Variants in ADAMTS12 observed in about 807,000 individuals in gnomAD.
ADAMTS12 encodes A disintegrin and metalloproteinase with thrombospondin motifs 12.
ADAMTS12 carries 118 observed loss-of-function variants against 167.8 expected under a neutral mutation model. The ratio of observed to expected loss-of-function variants is 0.70; its 90% CI spans 0.61 to 0.82. The LOEUF is 0.82. Among genes scored for constraint, ADAMTS12 ranks in the 40% least tolerant of loss-of-function variants. ADAMTS12 has a pLI of 0.00. For missense variants in ADAMTS12, 1,916 were observed against 1,998.8 expected (o/e 0.96, Z 0.79); for synonymous variants, 704 against 716.9 (o/e 0.98, Z 0.29).
At chr5:33,648,016 T>C (rs1740740938) in intron 9 of ADAMTS12, among the ~76,000 whole-genome samples, 1 of 152,282 alleles carries the variant, frequency 6.6e-6, no homozygotes, top group Non-Finnish European at 1.5e-5. Context: ...TTTCTTCTTA[T>C]TCTGTACATA....
Position 33,648,532 on chromosome 5 carries a change from C to T in ADAMTS12, c.1479+290G>A, listed in dbSNP as rs541779700. Among the ~76,000 whole-genome samples, 38 of 152,268 alleles carry T rather than the reference C, an allele frequency of 2.5e-4. No homozygotes were observed. In the South Asian group the frequency reaches 7.7e-3, roughly 31 times the overall value. ...GCAATTTTAGGGATTAAGTTGGTTG[C>T]TATGGAGTCTGCAGGTGTGAATCAC... On this transcript the variant is annotated intron_variant, in intron 9 of 23. Coordinates refer to ENST00000504830, the MANE Select transcript of ADAMTS12 (RefSeq NM_030955.4).
chr5:33,763,712 A>T (rs1156269912), intron 2 of ADAMTS12, among the ~76,000 whole-genome samples: 1 of 152,240 alleles, frequency 6.6e-6, no homozygotes. Flanking sequence ...ACATGCAAAC[A>T]AATGTTGTAG....
intron 23 of ADAMTS12, among the ~76,000 whole-genome samples, chr5:33,527,631 G>T (rs1362279384): frequency 1.3e-5 from 2 of 152,132 alleles, no homozygotes; most frequent in Admixed American, 1.3e-4. Context: ...GCTGCCTAGT[G>T]GGTGGAGAAT....
chr5:33,662,094 C>T, intron 5 of ADAMTS12, 54 bp from the exon 6 acceptor site: 1 of 1,589,834 alleles, frequency 6.3e-7, no homozygotes. Context: ...TGGTCAGGGA[C>T]CATTGCATTA....
At chr5:33,745,845 A>C (rs543838879) in intron 3 of ADAMTS12, among the ~76,000 whole-genome samples, 1 of 152,252 alleles carries the variant, frequency 6.6e-6, no homozygotes, top group East Asian at 1.9e-4. Flanking sequence ...TATTAAGCAA[A>C]CAAAACTAAT....
chr5:33,713,244 AT>A (rs1244477279), intron 3 of ADAMTS12, among the ~76,000 whole-genome samples: 1 of 152,158 alleles, frequency 6.6e-6, no homozygotes, highest in African/African-American at 2.4e-5. Flanking sequence ...TTTTATCAAG[AT>A]TTTTTGTATG....
chr5:33,651,906 C>T lies in ADAMTS12; in HGVS notation c.1191-2209G>A, dbSNP rs1305355855. ...GTGAGAATATGAGGTATTTGATTTTCTAAGTTATTTCACTTAGGATAATGG... is the reference window on the plus strand; with the variant it reads ...GTGAGAATATGAGGTATTTGATTTTTTAAGTTATTTCACTTAGGATAATGG... On this transcript the variant is annotated intron_variant, in intron 7 of 23. Coordinates refer to ENST00000504830, the MANE Select transcript of ADAMTS12 (RefSeq NM_030955.4). Among the ~76,000 whole-genome samples the T allele has an allele frequency of 3.3e-5, 5 of 152,256 alleles. No homozygotes were observed. In the South Asian group the frequency reaches 1.0e-3, roughly 32 times the overall value.
intron 2 of ADAMTS12, among the ~76,000 whole-genome samples, chr5:33,835,589 A>G (rs1748475810): frequency 6.6e-6 from 1 of 152,176 alleles, no homozygotes; most frequent in South Asian, 2.1e-4. Flanking sequence ...TCCTCACATG[A>G]TGGAAGAACT....
At chr5:33,859,883 C>T (rs1197759431) in intron 2 of ADAMTS12, among the ~76,000 whole-genome samples, 2 of 152,148 alleles carry the variant, frequency 1.3e-5, no homozygotes, top group Admixed American at 6.5e-5. Flanking sequence ...CTGGAGTGGA[C>T]CTCCAGCAAA....
intron 23 of ADAMTS12, among the ~76,000 whole-genome samples, chr5:33,527,868 C>T (rs769366715): frequency 1.3e-4 from 20 of 152,120 alleles, no homozygotes; most frequent in Admixed American, 9.2e-4. Flanking sequence ...CCAAGGTCAA[C>T]CAAAGCCAAG....
In ADAMTS12 at chr5:33,758,522, G is replaced by A. The variant is rs144836788; in HGVS notation, c.490-6974C>T. Among the ~76,000 whole-genome samples the A allele has an allele frequency of 6.8e-4, 103 of 152,306 alleles. 1 individual carries two copies. The highest frequency in any genetic ancestry group is 2.4e-3 in the African/African-American group (98 of 41,560). Reference sequence around the variant, plus strand: ...AAACAACAGCAGTGGGCTTGTCTGAGGGCTGGAGAGAGAGGATGTGGATTC... The same window carrying A: ...AAACAACAGCAGTGGGCTTGTCTGAAGGCTGGAGAGAGAGGATGTGGATTC... On this transcript the variant is annotated intron_variant, in intron 2 of 23. Coordinates refer to ENST00000504830, the MANE Select transcript of ADAMTS12 (RefSeq NM_030955.4).
intron 3 of ADAMTS12, among the ~76,000 whole-genome samples, chr5:33,714,210 T>C (rs180868152): frequency 8.3e-4 from 127 of 152,172 alleles, no homozygotes; most frequent in Admixed American, 3.6e-3. Flanking sequence ...TAATTTAGGA[T>C]GAGTCGATGG....
rs192533723 is a variant in ADAMTS12 at position 33,836,168 on chromosome 5, C to T, written c.489+44951G>A. Among the ~76,000 whole-genome samples, 6 of 152,290 alleles carry T rather than the reference C, an allele frequency of 3.9e-5. No homozygotes were observed. In the East Asian group the frequency reaches 5.8e-4, roughly 15 times the overall value. Reference sequence around the variant, plus strand: ...GTGAGCACAGAATCTGAAAATCACACGGCCATGCCCACTGTGGTTGGCTGG... The same window carrying T: ...GTGAGCACAGAATCTGAAAATCACATGGCCATGCCCACTGTGGTTGGCTGG... On this transcript the variant is annotated intron_variant, in intron 2 of 23. Transcript: ENST00000504830.
chr5:33,591,411 A>T (rs2112018573), intron 17 of ADAMTS12, among the ~76,000 whole-genome samples: 1 of 152,360 alleles, frequency 6.6e-6, no homozygotes, highest in African/African-American at 2.4e-5. Context: ...CCTTGCTGAG[A>T]ATAGTAATTT....
chr5:33,760,708 G>A (rs1391185935), intron 2 of ADAMTS12, among the ~76,000 whole-genome samples: 1 of 152,160 alleles, frequency 6.6e-6, no homozygotes, highest in Non-Finnish European at 1.5e-5. Context: ...CTGTTCTCAG[G>A]GACAAGGGTG....
chr5:33,549,876 T>C (rs1308009590), intron 20 of ADAMTS12, among the ~76,000 whole-genome samples: 1 of 152,258 alleles, frequency 6.6e-6, no homozygotes, highest in Admixed American at 6.5e-5. Flanking sequence ...TTCTCTATGA[T>C]GCTGGATGCA....
chr5:33,768,459 A>C (rs758377184), intron 2 of ADAMTS12, among the ~76,000 whole-genome samples: 25 of 152,208 alleles, frequency 1.6e-4, no homozygotes, highest in Non-Finnish European at 2.9e-4. Context: ...TATTTTATAG[A>C]TGTTTGATTT....
chr5:33,713,005 C>T (rs1743458846), intron 3 of ADAMTS12, among the ~76,000 whole-genome samples: 1 of 152,094 alleles, frequency 6.6e-6, no homozygotes, highest in African/African-American at 2.4e-5. Flanking sequence ...TAGGGATTTG[C>T]ATCTTGATTT....
chr5:33,619,580 C>T (rs1739203201), intron 14 of ADAMTS12, among the ~76,000 whole-genome samples: 1 of 152,166 alleles, frequency 6.6e-6, no homozygotes, highest in African/African-American at 2.4e-5. Flanking sequence ...TCAAATCATA[C>T]CTTACAGGTA....
Sources: allele counts gnomAD v4.1 joint callset (sites outside exome capture counted in the v4.1 genomes callset), GRCh38; gene constraint gnomAD v4.1.1; transcripts MANE v1.5; gene names NCBI Gene and HGNC (gene_info 2026-07-23, HGNC 2026-07-21).